Variants in TRMT2A observed in about 807,000 individuals in gnomAD.
The protein encoded by TRMT2A is tRNA (uracil-5-)-methyltransferase homolog A.
A neutral mutation model predicts 59.3 loss-of-function variants in TRMT2A; 60 were observed. That is an observed-to-expected ratio of 1.01 (90% CI 0.82 to 1.26). The LOEUF (loss-of-function observed/expected upper bound fraction) is 1.26, where lower values mean the gene tolerates loss of function less well. Ranked by LOEUF, TRMT2A falls within the 50% of genes most tolerant of loss-of-function variation. TRMT2A has a pLI of 0.00. For missense variants in TRMT2A, 863 were observed against 845.2 expected (o/e 1.02, Z -0.26); for synonymous variants, 403 against 353.7 (o/e 1.14, Z -1.56).
Position 20,113,461 on chromosome 22 carries a change from T to G in TRMT2A, c.1403A>C (p.Glu468Ala). The change falls in exon 9 of 12, where the codon GAG becomes GCG. Residue 468 changes from glutamate to alanine, a missense_variant. Glu to Ala is a moderately radical substitution (Grantham distance 107). Coordinates refer to ENST00000252136, the MANE Select transcript of TRMT2A (RefSeq NM_022727.6). The stretch of plus-strand genomic sequence containing the variant: ...GTCCTGGGCGTTCACCCGGGCGTCC[T>G]CCACAGCCTCTGGGCATAGCTCGAC... ...IGVELCPEAV[E>A]DARVNAQDNE... is the part of the protein sequence containing the mutation. 2 of 1,597,166 alleles carry G rather than the reference T, an allele frequency of 1.3e-6. No homozygotes were observed. Among genetic ancestry groups the G allele is most frequent in the African/African-American group, 1.4e-5 (1 of 73,586 alleles).
chr22:20,116,149 G>A lies in TRMT2A; in HGVS notation c.488C>T (p.Pro163Leu), dbSNP rs781226040. ...CACGTCGGCCACTCGTGTTACTGGT[G>A]GCTCACTCTCACCCTCCTGTCGCCT... ...RRRRQEGESE[P>L]PVTRVADVVT... is the part of the protein sequence containing the mutation. The change falls in exon 2 of 12, where the codon CCA becomes CTA. Residue 163 changes from proline (P) to leucine (L), a missense_variant. By Grantham distance (98) the Pro-to-Leu change is moderately conservative. Transcript: ENST00000252136. 8.2e-5 allele frequency: 132 copies of A among 1,612,936 alleles called. No homozygotes were observed. Among genetic ancestry groups the A allele is most frequent in the Non-Finnish European group, 1.0e-4 (123 of 1,179,844 alleles).
chr22:20,115,361 G>A lies in TRMT2A; in HGVS notation c.795C>T (p.Tyr265=). 1.2e-6 allele frequency: 2 copies of A among 1,612,746 alleles called. No individual in the cohort carries two copies. Among genetic ancestry groups the A allele is most frequent in the Non-Finnish European group, 1.7e-6 (2 of 1,180,016 alleles). ...DNTVGCRLGK[Y]KGGTCAVAAP... is the part of the protein sequence containing the mutation. ...CTGCCACAGCACACGTCCCGCCCTT[G>A]TACTTGCCGAGCCGACAGCCCACGG... is the stretch of plus-strand genomic sequence containing the variant. Residue 265 remains tyrosine (Y), a synonymous_variant, in exon 4 of 12, where the codon TAC becomes TAT. Coordinates refer to ENST00000252136, the MANE Select transcript of TRMT2A (RefSeq NM_022727.6).
At chr22:20,113,617 C>G (rs2049917173) in intron 8 of TRMT2A, 69 bp downstream of exon 8, 1 of 1,599,956 alleles carries the variant, frequency 6.3e-7, no homozygotes, top group Non-Finnish European at 8.5e-7. Flanking sequence ...GCTGTGGTGA[C>G]TTTGAGCTGG....
Position 20,116,366 on chromosome 22 carries a change from G to A in TRMT2A, c.271C>T (p.Arg91Cys), listed in dbSNP as rs759661446. The A allele has an allele frequency of 5.4e-5, 87 of 1,612,348 alleles. No individual in the cohort carries two copies. The highest frequency in any genetic ancestry group is 9.3e-5 in the African/African-American group (7 of 74,948). Residue 91 changes from arginine (R) to cysteine (C), a missense_variant, in exon 2 of 12, where the codon CGC becomes TGC. Coordinates refer to ENST00000252136, the MANE Select transcript of TRMT2A (RefSeq NM_022727.6). ...TGCAGACCAAAGCGGCCCAGGAAGC[G>A]CCGGACGTCGCTGAAGCTGGCGTGG... The part of the protein sequence containing the change: ...PRHASFSDVR[R>C]FLGRFGLQPH...
chr22:20,116,727 C>T, intron 1 of TRMT2A, 115 bp from the exon 2 acceptor site: 1 of 1,416,358 alleles, frequency 7.1e-7, no homozygotes, highest in Non-Finnish European at 9.6e-7. Context: ...CTCAGCCCTG[C>T]CCCTCCCCCA....
chr22:20,115,388 G>A lies in TRMT2A; in HGVS notation c.768C>T (p.Asn256=). The A allele has an allele frequency of 6.2e-7, 1 of 1,612,732 alleles. No homozygotes were observed. The highest frequency in any genetic ancestry group is 8.5e-7 in the Non-Finnish European group (1 of 1,179,966). The stretch of plus-strand genomic sequence containing the variant: ...ACTTGCCGAGCCGACAGCCCACGGT[G>A]TTATCCTCCCCATCCACCCCGACGC... ...LVGVGVDGED[N]TVGCRLGKYK... The change falls in exon 4 of 12, where the codon AAC becomes AAT. Residue 256 remains asparagine, a synonymous_variant. Coordinates refer to ENST00000252136, the MANE Select transcript of TRMT2A (RefSeq NM_022727.6).
chr22:20,114,469 A>G (rs2049944525), intron 7 of TRMT2A, 105 bp downstream of exon 7: 1 of 937,404 alleles, frequency 1.1e-6, no homozygotes, highest in Non-Finnish European at 1.7e-6. Context: ...CTGCCTGGAT[A>G]CTCCCCCAAA....
chr22:20,115,098 G>A lies in TRMT2A; in HGVS notation c.891-19C>T. On this transcript the variant is annotated intron_variant, in intron 4 of 11. Transcript: ENST00000252136. Reference sequence around the variant, plus strand: ...AGTGGACCTGTGGGAATCACGAGCTGGCCCAAGTGCCCACAACTGGGCAAG... The same window carrying A: ...AGTGGACCTGTGGGAATCACGAGCTAGCCCAAGTGCCCACAACTGGGCAAG... 1.3e-6 allele frequency: 2 copies of A among 1,579,186 alleles called. No individual in the cohort carries two copies. The highest frequency in any genetic ancestry group is 1.7e-6 in the Non-Finnish European group (2 of 1,167,386).
intron 3 of TRMT2A, 57 bp from the exon 4 acceptor site, chr22:20,115,504 C>T (rs968247327): frequency 6.3e-7 from 1 of 1,579,142 alleles, no homozygotes; most frequent in Non-Finnish European, 8.6e-7. Context: ...GGCCTGGAAA[C>T]CCTGATTTCC....
At chr22:20,115,958 C>T in intron 2 of TRMT2A, 80 bp downstream of exon 2, 1 of 1,488,564 alleles carries the variant, frequency 6.7e-7, no homozygotes. Flanking sequence ...CTGGGCCTCC[C>T]AACTGGTGCA....
At chr22:20,113,270 C>T in intron 9 of TRMT2A, 36 bp from the exon 10 acceptor site, 1 of 1,519,918 alleles carries the variant, frequency 6.6e-7, no homozygotes, top group South Asian at 1.3e-5. Context: ...CAGAGGGCCA[C>T]ATGCCCTCCC....
rs533205964 is a variant in TRMT2A, at chr22:20,113,746, C to T, written c.1296G>A (p.Ala432=). ...AGCACACGTCCAGCACCATGCTCCCCGCATCCAATTGGGCCCAGTCCTGGA... is the reference window on the plus strand; with the variant it reads ...AGCACACGTCCAGCACCATGCTCCCTGCATCCAATTGGGCCCAGTCCTGGA... ...TVIQDWAQLD[A]GSMVLDVCCG... is the part of the protein sequence containing the mutation. Residue 432 remains alanine (A), a synonymous_variant, in exon 8 of 12, where the codon GCG becomes GCA. Transcript: ENST00000252136. 27 of 1,608,656 alleles carry T rather than the reference C, an allele frequency of 1.7e-5. No individual in the cohort carries two copies. Among genetic ancestry groups the T allele is most frequent in the Middle Eastern group, 1.8e-4 (1 of 5,440 alleles).
Position 20,113,808 on chromosome 22 carries a change from C to A in TRMT2A, c.1234G>T (p.Val412Leu). ...AGCACCTCGGCTGCGGGTGTGTTCACCTGGGGGCAGGCGGTGCCCAGGATG... is the reference window on the plus strand; with the variant it reads ...AGCACCTCGGCTGCGGGTGTGTTCAACTGGGGGCAGGCGGTGCCCAGGATG... Reference protein sequence around the residue: ...FRISPHAFFQVNTPAAEVLYT... With the variant: ...FRISPHAFFQLNTPAAEVLYT... The change falls in exon 8 of 12, where the codon GTG becomes TTG. Residue 412 changes from valine (V) to leucine (L), a missense_variant and splice_region_variant. By Grantham distance (32) the Val-to-Leu change is conservative. Transcript: ENST00000252136. 6.4e-7 allele frequency: 1 copy of A among 1,563,346 alleles called. No homozygotes were observed. Among genetic ancestry groups the A allele is most frequent in the South Asian group, 1.2e-5 (1 of 84,728 alleles).
Position 20,115,079 on chromosome 22 carries a change from C to T in TRMT2A, c.891G>A (p.Arg297=). 1 of 1,589,352 alleles carries T rather than the reference C, an allele frequency of 6.3e-7. No individual in the cohort carries two copies. Among genetic ancestry groups the T allele is most frequent in the Non-Finnish European group, 8.5e-7 (1 of 1,173,008 alleles). The change falls in exon 5 of 12, where the codon CGG becomes CGA. Residue 297 remains arginine, a splice_region_variant and synonymous_variant. Coordinates refer to ENST00000252136, the MANE Select transcript of TRMT2A (RefSeq NM_022727.6). ...QVVKAFQEFI[R]STPYSAYDPE... ...GGTCGTATGCCGAGTATGGAGTGGA[C>T]CTGTGGGAATCACGAGCTGGCCCAA...
At position 20,112,550 on chromosome 22, in the gene TRMT2A, A is replaced by G. The variant is rs2049874203; in HGVS notation, c.*13T>C. 2 of 1,611,680 alleles carry G rather than the reference A, an allele frequency of 1.2e-6. No homozygotes were observed. The highest frequency in any genetic ancestry group is 2.2e-5 in the South Asian group (2 of 91,028). On this transcript the variant is annotated 3_prime_UTR_variant, in exon 12 of 12. Coordinates refer to ENST00000252136, the MANE Select transcript of TRMT2A (RefSeq NM_022727.6). ...GAGCCCTTCAGCTCCTGTCCCCATA[A>G]TGGGTCCTGGGCCTAGGATGAGGGG... is the stretch of plus-strand genomic sequence containing the variant.
At position 20,116,466 on chromosome 22, in the gene TRMT2A, G is replaced by A. The variant is rs1454629478; in HGVS notation, c.171C>T (p.Pro57=). 5 of 1,612,758 alleles carry A rather than the reference G, an allele frequency of 3.1e-6. No homozygotes were observed. Among genetic ancestry groups the A allele is most frequent in the South Asian group, 1.1e-5 (1 of 91,080 alleles). ...CATCCCTGATGTAGCTGTAGAGCCC[G>A]GGCTGAGGCCCCGGCCCTGTAGCCG... ...AGAATGPGPQ[P]GLYSYIRDDL... The change falls in exon 2 of 12, where the codon CCC becomes CCT. Residue 57 remains proline, a synonymous_variant. Transcript: ENST00000252136.
chr22:20,113,044 G>A (rs191751646), intron 10 of TRMT2A, 37 bp from the exon 11 acceptor site: 12 of 1,612,934 alleles, frequency 7.4e-6, no homozygotes, highest in Non-Finnish European at 8.5e-6. Flanking sequence ...CCCACAGCCA[G>A]AGAGTGCATA....
chr22:20,113,100 T>C lies in TRMT2A; in HGVS notation c.1549+18A>G. The C allele has an allele frequency of 1.2e-6, 2 of 1,608,602 alleles. No individual in the cohort carries two copies. On this transcript the variant is annotated intron_variant, in intron 10 of 11. Transcript: ENST00000252136. ...TGTCCTCGTTCCCGTGCCACCTCCTTAAGCAAAAGCCACTCACGCAAGCCA... is the reference window on the plus strand; with the variant it reads ...TGTCCTCGTTCCCGTGCCACCTCCTCAAGCAAAAGCCACTCACGCAAGCCA...
In TRMT2A at chr22:20,113,224, A is replaced by G. The variant is rs1395450076; in HGVS notation, c.1443T>C (p.Asn481=). The G allele has an allele frequency of 6.4e-6, 10 of 1,565,316 alleles. No homozygotes were observed. Among genetic ancestry groups the G allele is most frequent in the Non-Finnish European group, 8.6e-6 (10 of 1,157,014 alleles). ...RVNAQDNELS[N]VEFHCGRAED... ...CGGCCCTCCCGCAGTGGAACTCCAC[A>G]TTACTCAACTCTGAAGAGATGGCAC... The change falls in exon 10 of 12, where the codon AAT becomes AAC. Residue 481 remains asparagine (N), a synonymous_variant. Transcript: ENST00000252136.
Sources: gnomAD v4.1 joint callset for allele counts on GRCh38, gnomAD v4.1.1 for gene constraint, MANE v1.5 for transcripts, NCBI Gene and HGNC (gene_info 2026-07-23, HGNC 2026-07-21) for gene names.